The following GRIK4 variants were observed in gnomAD, a reference collection of about 807,000 sequenced individuals.
GRIK4 encodes glutamate receptor ionotropic, kainate 4.
GRIK4 carries 40 observed loss-of-function variants against 104.9 expected under a neutral mutation model. The observed-to-expected ratio is 0.38, with a 90% CI of 0.30 to 0.50. The LOEUF (loss-of-function observed/expected upper bound fraction) is 0.50. Ranked by LOEUF, GRIK4 falls within the 20% of genes least tolerant of loss-of-function variation. The probability of loss-of-function intolerance (pLI) is 0.93; values close to 1 mark genes in which losing one functional copy is unlikely to be tolerated. For missense variants in GRIK4, 1,047 were observed against 1,308.1 expected, an observed-to-expected ratio of 0.80 and a Z score of 3.08; for synonymous variants, 485 against 524.9, an observed-to-expected ratio of 0.92 and a Z score of 1.04.
At chr11:120,647,435 A>G (rs957477983) in intron 1 of GRIK4, among the ~76,000 whole-genome samples, 6 of 152,284 alleles carry the variant, frequency 3.9e-5, no homozygotes, top group Non-Finnish European at 7.3e-5. Context: ...TTTAATGGCT[A>G]TTTGTTGCCT....
chr11:120,660,101 C>T (rs1348107202), intron 2 of GRIK4, among the ~76,000 whole-genome samples, 168 bp from the exon 3 acceptor site: 1 of 152,220 alleles, frequency 6.6e-6, no homozygotes, highest in East Asian at 1.9e-4. Flanking sequence ...CAGCAACCTG[C>T]CCCATGTCGG....
intron 1 of GRIK4, among the ~76,000 whole-genome samples, chr11:120,516,662 G>A (rs997928460): frequency 2.6e-5 from 4 of 152,142 alleles, no homozygotes; most frequent in South Asian, 2.1e-4. Flanking sequence ...ACAGTGAGGC[G>A]AAAGGGGGGT....
intron 1 of GRIK4, among the ~76,000 whole-genome samples, chr11:120,516,012 T>C (rs1045480339): frequency 1.3e-5 from 2 of 152,036 alleles, no homozygotes. Context: ...GTGAGTGCGG[T>C]AGGACCCCAG....
intron 1 of GRIK4, among the ~76,000 whole-genome samples, chr11:120,512,231 G>A (rs1320897515): frequency 6.6e-6 from 1 of 151,488 alleles, no homozygotes; most frequent in African/African-American, 2.4e-5. Context: ...CTCCCGCTCT[G>A]GTCCTCCCCC....
At chr11:120,885,466 A>G (rs1396087671) in intron 11 of GRIK4, among the ~76,000 whole-genome samples, 2 of 152,004 alleles carry the variant, frequency 1.3e-5, no homozygotes, top group African/African-American at 2.4e-5. Context: ...GCTCACTGCA[A>G]CCTGCACTTC....
chr11:120,592,787 G>A (rs1948750694), intron 1 of GRIK4, among the ~76,000 whole-genome samples: 2 of 152,104 alleles, frequency 1.3e-5, no homozygotes, highest in African/African-American at 4.8e-5. Context: ...ACTCTGAGGG[G>A]CTGGCCGTCC....
chr11:120,528,734 G>A (rs972636730), intron 1 of GRIK4, among the ~76,000 whole-genome samples: 2 of 152,124 alleles, frequency 1.3e-5, no homozygotes, highest in African/African-American at 4.8e-5. Flanking sequence ...CAGGGAAACT[G>A]CCCCTCATAA....
chr11:120,571,711 C>A (rs1948402293), intron 1 of GRIK4, among the ~76,000 whole-genome samples: 1 of 152,062 alleles, frequency 6.6e-6, no homozygotes, highest in Non-Finnish European at 1.5e-5. Context: ...CTCTTGCCAG[C>A]CCCCATTGTG....
chr11:120,798,284 G>A (rs1225310696), intron 3 of GRIK4, among the ~76,000 whole-genome samples: 3 of 142,234 alleles, frequency 2.1e-5, no homozygotes, highest in African/African-American at 5.1e-5. Context: ...TTAGTCTCCC[G>A]AGTAGCTGGG....
intron 3 of GRIK4, among the ~76,000 whole-genome samples, chr11:120,739,075 C>G (rs76321486): frequency 0.015 from 2,267 of 152,288 alleles, 51 homozygotes; most frequent in African/African-American, 0.051. Flanking sequence ...GCATTTGTAG[C>G]CCTTGGTCCA....
rs112246949 is a variant in GRIK4 at position 120,749,611 on chromosome 11, G to T, written c.83-53082G>T. Reference sequence around the variant, plus strand: ...CCAAAAGGCCTGGGTTCGTCCAGCTGAGAATTGAGGGTGTAGCCAAGCACA... The same window carrying T: ...CCAAAAGGCCTGGGTTCGTCCAGCTTAGAATTGAGGGTGTAGCCAAGCACA... On this transcript the variant is annotated intron_variant, in intron 3 of 20. Transcript: ENST00000527524. Among the ~76,000 whole-genome samples, 523 of 152,324 alleles carry T rather than the reference G, an allele frequency of 3.4e-3. 4 individuals carry two copies. Among genetic ancestry groups the T allele is most frequent in the African/African-American group, 0.012 (494 of 41,574 alleles).
At chr11:120,558,502 C>T (rs1034451097) in intron 1 of GRIK4, among the ~76,000 whole-genome samples, 5 of 152,116 alleles carry the variant, frequency 3.3e-5, no homozygotes, top group Admixed American at 6.5e-5. Context: ...GCAGGAGAAT[C>T]GCTTGAACCC....
intron 12 of GRIK4, among the ~76,000 whole-genome samples, chr11:120,901,018 C>A (rs11218052): frequency 6.6e-6 from 1 of 152,060 alleles, no homozygotes; most frequent in African/African-American, 2.4e-5. Context: ...TCTATCCATC[C>A]GCAAAGCCCC....
chr11:120,820,721 G>A (rs1163403719), intron 6 of GRIK4, among the ~76,000 whole-genome samples: 2 of 152,182 alleles, frequency 1.3e-5, no homozygotes, highest in African/African-American at 2.4e-5. Context: ...GCACTGCAGA[G>A]CGATTCCATC....
rs1033617443 is a variant in GRIK4, at chr11:120,694,236, G to A, written c.82+33836G>A. ...AGCAGATGAAATTATTGAAGGAAGA[G>A]TGCAGTAGGGAAAAGAACCCTGGGC... is the stretch of plus-strand genomic sequence containing the variant. On this transcript the variant is annotated intron_variant, in intron 3 of 20. Coordinates refer to ENST00000527524, the MANE Select transcript of GRIK4 (RefSeq NM_014619.5). Among the ~76,000 whole-genome samples, 24 of 152,172 alleles carry A rather than the reference G, an allele frequency of 1.6e-4. 1 individual carries two copies. The highest frequency in any genetic ancestry group is 5.2e-4 in the Admixed American group (8 of 15,276).
At chr11:120,766,619 A>C (rs1565340156) in intron 3 of GRIK4, among the ~76,000 whole-genome samples, 1 of 152,180 alleles carries the variant, frequency 6.6e-6, no homozygotes, top group Non-Finnish European at 1.5e-5. Flanking sequence ...TGTGGGTTGC[A>C]AAGACCATGG....
chr11:120,774,072 C>A (rs1449065806), intron 3 of GRIK4, among the ~76,000 whole-genome samples: 2 of 152,206 alleles, frequency 1.3e-5, no homozygotes, highest in Non-Finnish European at 2.9e-5. Context: ...CAGGATTAGA[C>A]CCTCAGAAGG....
intron 3 of GRIK4, among the ~76,000 whole-genome samples, chr11:120,721,140 A>G (rs536545757): frequency 2.8e-4 from 43 of 152,312 alleles, no homozygotes; most frequent in African/African-American, 1.0e-3. Flanking sequence ...CAATTACAAC[A>G]TCTGTGGGAG....
chr11:120,794,945 G>A (rs1298567272), intron 3 of GRIK4, among the ~76,000 whole-genome samples: 1 of 152,118 alleles, frequency 6.6e-6, no homozygotes. Flanking sequence ...GCTGAAGAGT[G>A]GGACACAGAG....
Sources: allele counts gnomAD v4.1 joint callset (sites outside exome capture counted in the v4.1 genomes callset), GRCh38; gene constraint gnomAD v4.1.1; transcripts MANE v1.5; gene names NCBI Gene and HGNC (gene_info 2026-07-23, HGNC 2026-07-21).